Variants in ADAMTSL3 observed in about 807,000 individuals in gnomAD.
ADAMTSL3 encodes ADAMTS like 3, also known as ADAMTS-like protein 3.
A neutral mutation model predicts 201.7 loss-of-function variants in ADAMTSL3; 128 were observed. The observed-to-expected ratio is 0.63, with a 90% CI of 0.55 to 0.73. ADAMTSL3 has a LOEUF of 0.73. ADAMTSL3 is among the 30% of genes least tolerant of loss of function. ADAMTSL3 has a pLI of 0.00. For missense variants in ADAMTSL3, 1,990 were observed against 2,119.6 expected, an observed-to-expected ratio of 0.94 and a Z score of 1.20; for synonymous variants, 738 against 748.4, an observed-to-expected ratio of 0.99 and a Z score of 0.23.
At chr15:83,951,662 C>G (rs1335242943) in intron 19 of ADAMTSL3, among the ~76,000 whole-genome samples, 2 of 152,082 alleles carry the variant, frequency 1.3e-5, no homozygotes, top group Middle Eastern at 3.2e-3. Flanking sequence ...TACTGGGAGA[C>G]ATTTTATTAT....
At chr15:83,754,514 G>A (rs775900832) in intron 3 of ADAMTSL3, among the ~76,000 whole-genome samples, 2 of 152,144 alleles carry the variant, frequency 1.3e-5, no homozygotes, top group Non-Finnish European at 2.9e-5. Context: ...AATGTTAGAT[G>A]TTGTTTTAAA....
At chr15:83,802,872 G>A (rs1461993171) in intron 4 of ADAMTSL3, among the ~76,000 whole-genome samples, 6 of 152,078 alleles carry the variant, frequency 3.9e-5, no homozygotes, top group Non-Finnish European at 8.8e-5. Flanking sequence ...AAAAGGAGAA[G>A]CAACATAATC....
At chr15:83,826,208 T>C (rs555045843) in intron 6 of ADAMTSL3, among the ~76,000 whole-genome samples, 2 of 152,222 alleles carry the variant, frequency 1.3e-5, no homozygotes, top group African/African-American at 4.8e-5. Context: ...TGGGCTCAAG[T>C]AATCCTCCCA....
intron 4 of ADAMTSL3, among the ~76,000 whole-genome samples, chr15:83,782,044 G>A (rs1305547798): frequency 6.6e-5 from 10 of 152,172 alleles, no homozygotes; most frequent in East Asian, 3.9e-4. Flanking sequence ...AGAAATAACC[G>A]TTAGACCCAA....
chr15:83,841,874 G>T (rs909692497), intron 7 of ADAMTSL3, among the ~76,000 whole-genome samples: 1 of 151,850 alleles, frequency 6.6e-6, no homozygotes, highest in Non-Finnish European at 1.5e-5. Flanking sequence ...CAAGTGACTG[G>T]ATGTTGAGAG....
At chr15:83,925,447 A>G (rs537359943) in intron 17 of ADAMTSL3, among the ~76,000 whole-genome samples, 1 of 152,288 alleles carries the variant, frequency 6.6e-6, no homozygotes, top group Admixed American at 6.5e-5. Context: ...TGAGCAAAGC[A>G]AGGCCCAGAA....
At chr15:83,700,970 AAC>A (rs2061767956) in intron 2 of ADAMTSL3, among the ~76,000 whole-genome samples, 1 of 152,172 alleles carries the variant, frequency 6.6e-6, no homozygotes, top group Non-Finnish European at 1.5e-5. Context: ...CCCTTTCTAA[AAC>A]ACAGTATTCA....
chr15:83,691,508 G>A (rs746693882), intron 2 of ADAMTSL3, among the ~76,000 whole-genome samples: 20 of 152,278 alleles, frequency 1.3e-4, no homozygotes, highest in Admixed American at 3.3e-4. Flanking sequence ...TATTATAACA[G>A]ATGTCCAGTG....
intron 16 of ADAMTSL3, among the ~76,000 whole-genome samples, chr15:83,921,920 T>TAA (rs72195885): frequency 6.7e-6 from 1 of 149,976 alleles, no homozygotes; most frequent in South Asian, 2.1e-4. Context: ...TTTCTTTTTC[T>TAA]AAAAAAAAAG....
chr15:83,860,548 C>CA (rs1000814180), intron 8 of ADAMTSL3, among the ~76,000 whole-genome samples: 10 of 151,916 alleles, frequency 6.6e-5, no homozygotes, highest in Admixed American at 1.3e-4. Context: ...GCTTAAAAAA[C>CA]AAAAAAATGC....
intron 3 of ADAMTSL3, among the ~76,000 whole-genome samples, chr15:83,744,529 A>G (rs1015866018): frequency 3.9e-5 from 6 of 152,214 alleles, no homozygotes; most frequent in Non-Finnish European, 8.8e-5. Context: ...ATGTTTTGAA[A>G]TATGCATACA....
At chr15:83,881,110 C>G (rs192346511) in intron 9 of ADAMTSL3, among the ~76,000 whole-genome samples, 1 of 152,216 alleles carries the variant, frequency 6.6e-6, no homozygotes, top group Admixed American at 6.5e-5. Flanking sequence ...GTCTAACACT[C>G]TTCCAACTGG....
chr15:84,037,671 T>C (rs765434240), intron 29 of ADAMTSL3, 29 bp from the exon 30 acceptor site: 2 of 1,573,428 alleles, frequency 1.3e-6, no homozygotes, highest in East Asian at 2.2e-5. Context: ...ATAAGCTATA[T>C]GTTACAGATA....
In ADAMTSL3 at chr15:83,891,209, A is replaced by G. The variant is rs927348652; in HGVS notation, c.1212-120A>G. ...TTGGGAATGGTTGATAACACTTGAT[A>G]TTTTTAGTTTCCAATTTGGAAGAGC... On this transcript the variant is annotated intron_variant, in intron 11 of 29. Transcript: ENST00000286744. 7.2e-6 allele frequency: 6 copies of G among 833,684 alleles called. No homozygotes were observed. In the African/African-American group the frequency reaches 1.0e-4, roughly 14 times the overall value. 51.6% of individuals were successfully genotyped at this position (833,684 alleles called of 1,614,324 possible).
Position 83,870,008 on chromosome 15 carries a change from A to C in ADAMTSL3, c.803-794A>C, listed in dbSNP as rs113076677. Among the ~76,000 whole-genome samples, 69 of 152,328 alleles carry C rather than the reference A, an allele frequency of 4.5e-4. 1 individual carries two copies. The highest frequency in any genetic ancestry group is 1.5e-3 in the African/African-American group (64 of 41,582). On this transcript the variant is annotated intron_variant, in intron 8 of 29. Transcript: ENST00000286744. ...GACACTTAGAAAATAAAAGAAAGAA[A>C]AGAAAGAGGGAGGAAAGACAGAAAT...
intron 28 of ADAMTSL3, 70 bp downstream of exon 28, chr15:84,031,502 G>A: frequency 7.3e-7 from 1 of 1,369,738 alleles, no homozygotes; most frequent in Non-Finnish European, 1.0e-6. Context: ...ATAACTGCCT[G>A]AAAATGGAAT....
chr15:83,993,625 A>T (rs1361352903), intron 23 of ADAMTSL3, among the ~76,000 whole-genome samples: 1 of 152,212 alleles, frequency 6.6e-6, no homozygotes, highest in Non-Finnish European at 1.5e-5. Context: ...ATCAATAGGG[A>T]TTATCCCTAG....
chr15:83,972,756 C>T (rs1475174465), intron 20 of ADAMTSL3, among the ~76,000 whole-genome samples: 1 of 152,170 alleles, frequency 6.6e-6, no homozygotes, highest in Non-Finnish European at 1.5e-5. Flanking sequence ...CCCAGCACAG[C>T]CAACGCACCC....
chr15:83,933,700 G>T (rs888363789), intron 17 of ADAMTSL3, among the ~76,000 whole-genome samples: 3 of 152,190 alleles, frequency 2.0e-5, no homozygotes, highest in African/African-American at 7.2e-5. Context: ...CAGGCCCAGA[G>T]GCCTAGGAGG....
Sources: gnomAD v4.1 joint callset for allele counts (sites outside exome capture counted in the v4.1 genomes callset) on GRCh38, gnomAD v4.1.1 for gene constraint, MANE v1.5 for transcripts, NCBI Gene and HGNC (gene_info 2026-07-23, HGNC 2026-07-21) for gene names.